UROS: variants seen among roughly 807,000 people sequenced by gnomAD.
UROS encodes the protein uroporphyrinogen III synthase, also known as uroporphyrinogen-III synthase.
UROS carries 18 observed loss-of-function variants against 33.0 expected under a neutral mutation model. The ratio of observed to expected loss-of-function variants is 0.55; its 90% CI spans 0.38 to 0.81. The LOEUF is 0.81. Ranked by LOEUF, UROS falls within the 30% of genes least tolerant of loss-of-function variation. UROS has a pLI of 0.00. For missense variants in UROS, 293 were observed against 314.9 expected (o/e 0.93, Z 0.53); for synonymous variants, 114 against 121.1 (o/e 0.94, Z 0.38).
chr10:125,790,783 CAAA>C (rs368264390), intron 9 of UROS, among the ~76,000 whole-genome samples: 2 of 122,578 alleles, frequency 1.6e-5, no homozygotes. Context: ...AACTCCATCT[CAAA>C]AAAAAAAAAA....
intron 1 of UROS, 175 bp from the exon 2 acceptor site, chr10:125,816,700 T>C (rs983000767): frequency 1.5e-6 from 1 of 647,674 alleles, no homozygotes; most frequent in African/African-American, 1.8e-5. Flanking sequence ...CCCCTGTCAC[T>C]GATAAGGCCA....
At chr10:125,809,221 C>G (rs557162346) in intron 5 of UROS, among the ~76,000 whole-genome samples, 4 of 152,116 alleles carry the variant, frequency 2.6e-5, no homozygotes, top group Non-Finnish European at 4.4e-5. Context: ...TGTGACATCA[C>G]TGGTCTGGGT....
intron 4 of UROS, 145 bp downstream of exon 4, chr10:125,814,889 T>C: frequency 1.1e-6 from 1 of 928,202 alleles, no homozygotes; most frequent in South Asian, 1.4e-5. Context: ...CCTGTTCTCC[T>C]GTTTCCCAAG....
At chr10:125,799,787 G>A (rs775664611) in intron 6 of UROS, among the ~76,000 whole-genome samples, 7 of 152,170 alleles carry the variant, frequency 4.6e-5, no homozygotes, top group Non-Finnish European at 8.8e-5. Flanking sequence ...GGAGAAAATT[G>A]AAAATGTCCT....
At chr10:125,797,947 TCCAAC>T (rs1851506867) in intron 7 of UROS, 113 bp downstream of exon 7, 1 of 1,237,662 alleles carries the variant, frequency 8.1e-7, no homozygotes, top group Non-Finnish European at 1.2e-6. Flanking sequence ...GCCTGGCTTA[TCCAAC>T]CCAGCCCTGC....
chr10:125,815,204 G>C (rs1853200041), intron 3 of UROS, 74 bp from the exon 4 acceptor site: 1 of 1,528,098 alleles, frequency 6.5e-7, no homozygotes, highest in Admixed American at 1.8e-5. Context: ...CTAAGACTCA[G>C]AATTCCAAAT....
chr10:125,792,021 G>A (rs984230470), intron 9 of UROS: 12 of 151,886 alleles, frequency 7.9e-5, no homozygotes, highest in African/African-American at 2.9e-4. Flanking sequence ...ATTACTTGAG[G>A]CCAGGAGTTT....
At chr10:125,796,574 C>T (rs1216623212) in intron 7 of UROS, among the ~76,000 whole-genome samples, 1 of 152,248 alleles carries the variant, frequency 6.6e-6, no homozygotes, top group Admixed American at 6.5e-5. Context: ...AAGGGCAGCT[C>T]TTGGGAGAGG....
chr10:125,804,077 A>G (rs2133880112), intron 6 of UROS, among the ~76,000 whole-genome samples: 1 of 152,370 alleles, frequency 6.6e-6, no homozygotes, highest in East Asian at 1.9e-4. Context: ...TTTGTTATTC[A>G]TGATAAACCC....
chr10:125,792,441 C>A (rs1424688407), intron 9 of UROS: 2 of 152,274 alleles, frequency 1.3e-5, no homozygotes, highest in Admixed American at 1.3e-4. Flanking sequence ...GCCACGTTCA[C>A]AGCCTGGCTC....
intron 6 of UROS, among the ~76,000 whole-genome samples, chr10:125,806,743 C>G (rs1048296864): frequency 8.5e-5 from 13 of 152,126 alleles, no homozygotes; most frequent in Admixed American, 3.3e-4. Flanking sequence ...AGTCAAATGA[C>G]AAGGGTGTAA....
chr10:125,816,069 T>C, intron 3 of UROS, 108 bp downstream of exon 3: 1 of 1,162,512 alleles, frequency 8.6e-7, no homozygotes, highest in Non-Finnish European at 1.3e-6. Context: ...TGCCATGTTT[T>C]AAAGTTTGGG....
chr10:125,803,818 C>G (rs184299254), intron 6 of UROS, among the ~76,000 whole-genome samples: 1 of 152,234 alleles, frequency 6.6e-6, no homozygotes, highest in African/African-American at 2.4e-5. Flanking sequence ...TCTCCTTCCA[C>G]GTCTCTGCTC....
chr10:125,797,330 T>C (rs1412255256), intron 7 of UROS, among the ~76,000 whole-genome samples: 12 of 152,214 alleles, frequency 7.9e-5, no homozygotes, highest in Admixed American at 6.5e-4. Context: ...AACACCTCTA[T>C]GAGGCAGGTA....
Position 125,816,449 on chromosome 10 carries a change from A to T in UROS, c.51T>A (p.Asp17Glu). The change falls in exon 2 of 10, where the codon GAT (aspartate) becomes GAA (glutamate). Residue 17 changes from aspartate (D) to glutamate (E), a missense_variant. Physicochemically the swap from Asp to Glu is conservative, Grantham distance 45. Coordinates refer to ENST00000368797, the MANE Select transcript of UROS (RefSeq NM_000375.3). ...TCAGGCCACTTACCCTGATATACGG[A>T]TCCTGGCCACAGTCATCTTCCTTCG... ...KDAKEDDCGQ[D>E]PYIRELGLYG... 1.9e-6 allele frequency: 3 copies of T among 1,614,160 alleles called. No homozygotes were observed. The highest frequency in any genetic ancestry group is 2.5e-6 in the Non-Finnish European group (3 of 1,180,024).
In UROS at chr10:125,796,083, C is replaced by A; in HGVS notation, c.561+20G>T. ...ACCTGGGCACCCACCCTGCCAGAAC[C>A]GCCCCCAAACGCCACGTACCTGCTG... On this transcript the variant is annotated intron_variant, in intron 8 of 9. Coordinates refer to ENST00000368797, the MANE Select transcript of UROS (RefSeq NM_000375.3). The A allele has an allele frequency of 1.2e-6, 2 of 1,613,456 alleles. No individual in the cohort carries two copies. Among genetic ancestry groups the A allele is most frequent in the Non-Finnish European group, 1.7e-6 (2 of 1,179,618 alleles).
intron 5 of UROS, among the ~76,000 whole-genome samples, chr10:125,809,348 T>C (rs374541530): frequency 1.8e-4 from 27 of 152,388 alleles, no homozygotes; most frequent in East Asian, 1.7e-3. Flanking sequence ...TCCTAGGATA[T>C]GGCTGGCTGA....
At chr10:125,791,073 C>T (rs1189633068) in intron 9 of UROS, among the ~76,000 whole-genome samples, 1 of 141,770 alleles carries the variant, frequency 7.1e-6, no homozygotes, top group Non-Finnish European at 1.5e-5. Flanking sequence ...GCCTGGGCAA[C>T]AGAGCGAGAC....
chr10:125,807,186 C>T (rs1317151804), intron 6 of UROS: 1 of 569,254 alleles, frequency 1.8e-6, no homozygotes, highest in East Asian at 3.0e-5. Context: ...GTGTTATGTT[C>T]AAGTCAAGTT....
Sources: allele counts gnomAD v4.1 joint callset (sites outside exome capture counted in the v4.1 genomes callset), GRCh38; gene constraint gnomAD v4.1.1; transcripts MANE v1.5; gene names NCBI Gene and HGNC (gene_info 2026-07-23, HGNC 2026-07-21).